The following RAP1GAP2 variants were observed in gnomAD, a reference collection of about 807,000 sequenced individuals.
RAP1GAP2 encodes rap1 GTPase-activating protein 2.
A neutral mutation model predicts 95.0 loss-of-function variants in RAP1GAP2; 27 were observed. The ratio of observed to expected loss-of-function variants is 0.28; its 90% CI spans 0.21 to 0.39. RAP1GAP2 has a LOEUF of 0.39. Among genes scored for constraint, RAP1GAP2 ranks in the 10% least tolerant of loss-of-function variants. The probability of loss-of-function intolerance (pLI) is 1.00; values close to 1 mark genes in which losing one functional copy is unlikely to be tolerated. For synonymous variants in RAP1GAP2, 373 were observed against 380.9 expected (o/e 0.98, Z 0.24); for missense variants, 771 against 970.0 (o/e 0.79, Z 2.72).
chr17:2,761,727 G>T (rs554730967), intron 1 of RAP1GAP2, among the ~76,000 whole-genome samples: 2 of 152,282 alleles, frequency 1.3e-5, no homozygotes, highest in East Asian at 3.9e-4. Flanking sequence ...TGAAGTACAG[G>T]TCGCAGAATT....
At position 2,927,400 on chromosome 17, in the gene RAP1GAP2, G is replaced by A. The variant is rs568981429; in HGVS notation, c.165+22032G>A. Among the ~76,000 whole-genome samples, 539 of 152,220 alleles carry A rather than the reference G, an allele frequency of 3.5e-3. 2 individuals are homozygous for A. Among genetic ancestry groups the A allele is most frequent in the Admixed American group, 7.2e-3 (110 of 15,288 alleles). On this transcript the variant is annotated intron_variant, in intron 3 of 24. Coordinates refer to ENST00000254695, the MANE Select transcript of RAP1GAP2 (RefSeq NM_015085.5). ...GATCTCCTGACCTCGTGATCCGCCC[G>A]CCTTGGCCTCCCAAAGTGCTGGGAT...
Position 3,026,127 on chromosome 17 carries a change from A to G in RAP1GAP2, c.1865+6A>G. On this transcript the variant is annotated splice_donor_region_variant and intron_variant, in intron 20 of 24. Coordinates refer to ENST00000254695, the MANE Select transcript of RAP1GAP2 (RefSeq NM_015085.5). The stretch of plus-strand genomic sequence containing the variant: ...ATCTGCCCCAACAAGGAGAAGTAAG[A>G]GAGTGAGGGTGGGAAAGGCCAGCTT... 1 of 1,601,066 alleles carries G rather than the reference A, an allele frequency of 6.2e-7. No homozygotes were observed. Among genetic ancestry groups the G allele is most frequent in the South Asian group, 1.1e-5 (1 of 90,714 alleles).
chr17:2,923,084 G>A (rs1332560980), intron 3 of RAP1GAP2, among the ~76,000 whole-genome samples: 1 of 147,798 alleles, frequency 6.8e-6, no homozygotes, highest in African/African-American at 2.5e-5. Flanking sequence ...TCTGTTGCCA[G>A]GCTGGAGTGC....
chr17:2,982,647 C>T (rs371849167), intron 10 of RAP1GAP2, among the ~76,000 whole-genome samples: 37 of 152,248 alleles, frequency 2.4e-4, no homozygotes, highest in African/African-American at 7.9e-4. Context: ...CTGACCTCCC[C>T]TTTATAATTA....
chr17:2,826,878 C>T (rs1458570688), intron 2 of RAP1GAP2, among the ~76,000 whole-genome samples: 5 of 151,902 alleles, frequency 3.3e-5, no homozygotes, highest in African/African-American at 9.7e-5. Flanking sequence ...TGGTGGCGTA[C>T]GCCTGTAGTC....
intron 8 of RAP1GAP2, among the ~76,000 whole-genome samples, chr17:2,978,559 A>G (rs1043790953): frequency 1.7e-4 from 26 of 152,198 alleles, no homozygotes; most frequent in African/African-American, 6.3e-4. Flanking sequence ...TTTCCATGTA[A>G]TATTTTTTTG....
intron 1 of RAP1GAP2, among the ~76,000 whole-genome samples, chr17:2,757,789 G>A (rs1272304451): frequency 6.6e-6 from 1 of 152,112 alleles, no homozygotes; most frequent in Admixed American, 6.6e-5. Context: ...GAGCTTGGAT[G>A]CCTGTTTTGA....
chr17:3,010,058 G>A (rs368132255), intron 17 of RAP1GAP2, among the ~76,000 whole-genome samples: 5 of 151,982 alleles, frequency 3.3e-5, no homozygotes, highest in African/African-American at 1.2e-4. Context: ...TATAAGAGGT[G>A]AGGCCAGGTG....
At chr17:3,025,816 G>A (rs538019765) in intron 19 of RAP1GAP2, among the ~76,000 whole-genome samples, 192 bp from the exon 20 acceptor site, 9 of 152,272 alleles carry the variant, frequency 5.9e-5, no homozygotes, top group East Asian at 1.9e-4. Context: ...TGTAGGGACC[G>A]GGAAACCCTG....
At position 2,771,486 on chromosome 17, in the gene RAP1GAP2, G is replaced by GTTTTTTT. The variant is rs566884358; in HGVS notation, c.167+1047_167+1053dup. Among the ~76,000 whole-genome samples, 19 of 123,478 alleles carry GTTTTTTT rather than the reference G, an allele frequency of 1.5e-4. 2 individuals are homozygous for GTTTTTTT. The highest frequency in any genetic ancestry group is 4.5e-4 in the East Asian group (2 of 4,494). The allele number at this position is 123,478 out of a possible 152,430, so 81.0% of individuals were successfully genotyped here. A position where few individuals can be genotyped will look rare whatever the true frequency, so the allele number is the denominator to read the frequency against. On this transcript the variant is annotated intron_variant, in intron 2 of 25. Coordinates refer to the RAP1GAP2 transcript ENST00000637138. ...CTTTCCCCATCAAAGCCACTTTTTT[G>GTTTTTTT]TTTTTTTTTTTTGTTTTTTTTTTTT...
At chr17:2,974,185 C>CAAAA (rs59861570) in intron 8 of RAP1GAP2, among the ~76,000 whole-genome samples, 44,582 of 137,064 alleles carry the variant, frequency 0.33, 7,509 homozygotes, top group Admixed American at 0.41. Context: ...ACTAAAAATA[C>CAAAA]AAAAAAAAAA....
intron 2 of RAP1GAP2, among the ~76,000 whole-genome samples, chr17:2,889,510 G>A (rs893825120): frequency 2.6e-5 from 4 of 151,872 alleles, no homozygotes; most frequent in African/African-American, 7.3e-5. Flanking sequence ...AGCTCCCGGC[G>A]GCTGAGCCCT....
chr17:2,779,836 A>G (rs1055335773), intron 1 of RAP1GAP2, among the ~76,000 whole-genome samples: 4 of 151,874 alleles, frequency 2.6e-5, no homozygotes, highest in Non-Finnish European at 4.4e-5. Context: ...GGGTTGGCAG[A>G]AGGTGGCCAA....
chr17:2,986,142 G>C (rs945561555), intron 11 of RAP1GAP2, among the ~76,000 whole-genome samples: 1 of 152,136 alleles, frequency 6.6e-6, no homozygotes, highest in African/African-American at 2.4e-5. Context: ...TTTTTTGCAT[G>C]ATGGTATCTT....
Position 2,965,675 on chromosome 17 carries a change from T to A in RAP1GAP2, c.596+32T>A, listed in dbSNP as rs1005488348. 7 of 1,479,646 alleles carry A rather than the reference T, an allele frequency of 4.7e-6. No homozygotes were observed. The Admixed American group carries it at 1.1e-4, about 23-fold the overall frequency. The allele number at this position is 1,479,646 out of a possible 1,614,324, so 91.7% of individuals were successfully genotyped here. A position where few individuals can be genotyped will look rare whatever the true frequency, so the allele number is the denominator to read the frequency against. On this transcript the variant is annotated intron_variant, in intron 8 of 24. Coordinates refer to ENST00000254695, the MANE Select transcript of RAP1GAP2 (RefSeq NM_015085.5). The surrounding 1 kb of genome is among the most constrained non-coding windows in gnomAD (Gnocchi z 4.7). The stretch of plus-strand genomic sequence containing the variant: ...CTGTTGCGCTGCTTGAGGCCACTTC[T>A]CTTCCAGGCAGGGCTCTCATCGGTG...
chr17:2,831,789 G>A (rs2070866786), intron 2 of RAP1GAP2, among the ~76,000 whole-genome samples: 2 of 152,114 alleles, frequency 1.3e-5, no homozygotes, highest in Admixed American at 1.3e-4. Flanking sequence ...CAGGTACTGG[G>A]GAGGCTGAGG....
chr17:2,841,572 C>T (rs1420432275), intron 2 of RAP1GAP2, among the ~76,000 whole-genome samples: 6 of 152,042 alleles, frequency 3.9e-5, no homozygotes, highest in Non-Finnish European at 2.9e-5. Flanking sequence ...TCGGAAAGTG[C>T]TGGGATTACA....
chr17:3,019,561 G>T (rs1266205370), intron 18 of RAP1GAP2, among the ~76,000 whole-genome samples: 5 of 152,132 alleles, frequency 3.3e-5, no homozygotes, highest in African/African-American at 1.2e-4. Flanking sequence ...GTATAGACTA[G>T]GATTTTCCTT....
Position 2,889,889 on chromosome 17 carries a change from A to ATTTTTTTT in RAP1GAP2, c.81-15387_81-15380dup, listed in dbSNP as rs3039128. Among the ~76,000 whole-genome samples, 71 of 57,258 alleles carry ATTTTTTTT rather than the reference A, an allele frequency of 1.2e-3. 1 individual carries two copies. The highest frequency in any genetic ancestry group is 0.011 in the East Asian group (17 of 1,574). 37.6% of individuals were successfully genotyped at this position (57,258 alleles called of 152,430 possible). Reference sequence around the variant, plus strand: ...TATATATATATATATATATATATATATTTTTTTTTTTTTTTGTAGAGATGG... The same window carrying ATTTTTTTT: ...TATATATATATATATATATATATATATTTTTTTTTTTTTTTTTTTTTTTGTAGAGATGG... On this transcript the variant is annotated intron_variant, in intron 2 of 24. Transcript: ENST00000254695.
Sources: gnomAD v4.1 joint callset for allele counts (sites outside exome capture counted in the v4.1 genomes callset) on GRCh38, gnomAD v4.1.1 for gene constraint, Gnocchi (gnomAD v3.1) non-coding constraint, MANE v1.5 for transcripts, NCBI Gene and HGNC (gene_info 2026-07-23, HGNC 2026-07-21) for gene names.